Variants in AKAP8L observed in about 807,000 individuals in gnomAD.
The protein encoded by AKAP8L is A-kinase anchor protein 8-like.
Under a neutral mutation model 77.5 loss-of-function variants are expected in AKAP8L, and 34 were observed. The observed-to-expected ratio is 0.44, with a 90% CI of 0.33 to 0.58. The LOEUF is 0.58. Among genes scored for constraint, AKAP8L ranks in the 20% least tolerant of loss-of-function variants. The pLI is 0.02. For synonymous variants in AKAP8L, 342 were observed against 340.7 expected, an observed-to-expected ratio of 1.00 and a Z score of -0.04; for missense variants, 806 against 887.6, an observed-to-expected ratio of 0.91 and a Z score of 1.17.
Position 15,398,582 on chromosome 19 carries a change from G to GGGGC in AKAP8L, c.1157+716_1157+719dup. 1.1e-5 allele frequency: 11 copies of GGGGC among 986,998 alleles called. No homozygotes were observed. The highest frequency in any genetic ancestry group is 1.3e-5 in the Non-Finnish European group (11 of 830,950). 61.1% of individuals were successfully genotyped at this position (986,998 alleles called of 1,614,324 possible). On this transcript the variant is annotated intron_variant, in intron 9 of 13. Transcript: ENST00000397410. This position sits in a 1 kb window ranked among gnomAD's most constrained non-coding sequence, Gnocchi z 9.2. ...GGGCCGGAGCAGGCCGCCGTGGCAAGGGGCGGAGGAGGCCAGCCGCCACCG... is the reference window on the plus strand; with the variant it reads ...GGGCCGGAGCAGGCCGCCGTGGCAAGGGGCGGGCGGAGGAGGCCAGCCGCCACCG...
intron 12 of AKAP8L, among the ~76,000 whole-genome samples, chr19:15,390,367 C>A (rs1274547412): frequency 6.8e-6 from 1 of 148,116 alleles, no homozygotes; most frequent in East Asian, 2.0e-4. Flanking sequence ...TGCAGTGAGC[C>A]GAGATCACAC....
intron 12 of AKAP8L, among the ~76,000 whole-genome samples, chr19:15,393,587 A>G (rs190480617): frequency 6.6e-6 from 1 of 152,252 alleles, no homozygotes; most frequent in East Asian, 1.9e-4. Flanking sequence ...CAAAACCACA[A>G]TGAGATACTA....
At chr19:15,384,672 T>A (rs1237001220) in intron 12 of AKAP8L, among the ~76,000 whole-genome samples, 2 of 152,220 alleles carry the variant, frequency 1.3e-5, no homozygotes, top group African/African-American at 4.8e-5. Context: ...AGTAGTTTTT[T>A]TTCCATTTAA....
intron 2 of AKAP8L, among the ~76,000 whole-genome samples, chr19:15,409,548 T>G (rs2067242194): frequency 6.6e-6 from 1 of 152,184 alleles, no homozygotes; most frequent in Admixed American, 6.6e-5. Context: ...TTTCCCCAGA[T>G]CTTGGTAGTA....
chr19:15,410,870 T>G (rs1441659350), intron 1 of AKAP8L, among the ~76,000 whole-genome samples: 3 of 152,228 alleles, frequency 2.0e-5, no homozygotes, highest in Non-Finnish European at 2.9e-5. Context: ...TGCAACGCAG[T>G]GGCATGATCA....
At chr19:15,414,959 C>T (rs1968177408) in intron 1 of AKAP8L, among the ~76,000 whole-genome samples, 1 of 152,176 alleles carries the variant, frequency 6.6e-6, no homozygotes, top group Non-Finnish European at 1.5e-5. Context: ...CCACCAGGCC[C>T]AGCTAATTTT....
chr19:15,410,561 G>A lies in AKAP8L; in HGVS notation c.47C>T (p.Ser16Leu), dbSNP rs764391390. 112 of 1,593,902 alleles carry A rather than the reference G, an allele frequency of 7.0e-5. No individual in the cohort carries two copies. The highest frequency in any genetic ancestry group is 1.1e-4 in the East Asian group (5 of 44,304). ...CTGAGCGCTGGTATCCGAGTATGTC[G>A]ACTGCAAAGTGGTTTCAGATCCCTG... ...FVQGSETTLQ[S>L]TYSDTSAQPT... Residue 16 changes from serine to leucine, a missense_variant, in exon 2 of 14, where the codon TCG (serine) becomes TTG (leucine). Ser to Leu is a moderately radical substitution (Grantham distance 145, BLOSUM62 -2). Coordinates refer to ENST00000397410, the MANE Select transcript of AKAP8L (RefSeq NM_014371.4).
At chr19:15,407,949 GAACA>G (rs1430339853) in intron 2 of AKAP8L, among the ~76,000 whole-genome samples, 1 of 152,174 alleles carries the variant, frequency 6.6e-6, no homozygotes, top group Admixed American at 6.5e-5. Context: ...TTGGAAAAAA[GAACA>G]AACCTGGAGG....
rs376892363 is a variant in AKAP8L, at chr19:15,383,215, T to A, written c.1537-2603A>T. The A allele has an allele frequency of 2.5e-4, 38 of 152,350 alleles. No individual in the cohort carries two copies. The East Asian group carries it at 2.7e-3, about 11-fold the overall frequency. 9.4% of individuals were successfully genotyped at this position (152,350 alleles called of 1,614,324 possible). On this transcript the variant is annotated intron_variant, in intron 12 of 13. Transcript: ENST00000397410. ...GCTAATACCATATTGTCTTTCTTTT[T>A]ATTTTATTTTAGAGATAGGAGTCTC...
At position 15,401,799 on chromosome 19, in the gene AKAP8L, T is replaced by C. The variant is rs1245175146; in HGVS notation, c.363-196A>G. Among the ~76,000 whole-genome samples the C allele has an allele frequency of 1.3e-5, 2 of 152,226 alleles. No homozygotes were observed. The highest frequency in any genetic ancestry group is 6.5e-5 in the Admixed American group (1 of 15,288). ...GGCACCACTGCCCCAAACTTGAATGTAGCCACACACTGGCTTGGGGACCCT... is the reference window on the plus strand; with the variant it reads ...GGCACCACTGCCCCAAACTTGAATGCAGCCACACACTGGCTTGGGGACCCT... On this transcript the variant is annotated intron_variant, in intron 4 of 13. Transcript: ENST00000397410. The surrounding 1 kb of genome is among the most constrained non-coding windows in gnomAD (Gnocchi z 6.2).
Position 15,398,195 on chromosome 19 carries a change from C to T in AKAP8L, c.1158-340G>A, listed in dbSNP as rs1967817889. 8.7e-6 allele frequency: 3 copies of T among 345,694 alleles called. No individual in the cohort carries two copies. In the Admixed American group the frequency reaches 1.2e-4, roughly 14 times the overall value. 21.4% of individuals were successfully genotyped at this position (345,694 alleles called of 1,614,324 possible). ...CCAAGGCTGGGCAGGAGCGTGTGCA[C>T]TTGGCCCAGGTGGGGACCGGAAGGA... On this transcript the variant is annotated intron_variant, in intron 9 of 13. Coordinates refer to ENST00000397410, the MANE Select transcript of AKAP8L (RefSeq NM_014371.4). This position sits in a 1 kb window ranked among gnomAD's most constrained non-coding sequence, Gnocchi z 9.2.
Position 15,401,708 on chromosome 19 carries a change from C to G in AKAP8L, c.363-105G>C. On this transcript the variant is annotated intron_variant, in intron 4 of 13. Coordinates refer to ENST00000397410, the MANE Select transcript of AKAP8L (RefSeq NM_014371.4). This position sits in a 1 kb window ranked among gnomAD's most constrained non-coding sequence, Gnocchi z 6.2. ...TCTCCCAGTCCAGCACCCACCCTGC[C>G]CTGGTTGGGAGGCTCAATGTTCAGA... The G allele has an allele frequency of 1.1e-6, 1 of 912,864 alleles. No individual in the cohort carries two copies. The highest frequency in any genetic ancestry group is 1.6e-6 in the Non-Finnish European group (1 of 619,112). The allele number at this position is 912,864 out of a possible 1,614,324, so 56.5% of individuals were successfully genotyped here. A position where few individuals can be genotyped will look rare whatever the true frequency, so the allele number is the denominator to read the frequency against.
intron 12 of AKAP8L, among the ~76,000 whole-genome samples, chr19:15,381,711 T>C (rs1184180054): frequency 1.3e-5 from 2 of 152,134 alleles, no homozygotes; most frequent in Non-Finnish European, 2.9e-5. Flanking sequence ...GATACACAAT[T>C]AGGATACTAC....
chr19:15,392,480 G>C (rs1967682832), intron 12 of AKAP8L, among the ~76,000 whole-genome samples: 1 of 151,484 alleles, frequency 6.6e-6, no homozygotes, highest in African/African-American at 2.4e-5. Flanking sequence ...CTAGGCAACA[G>C]AGTGAGACCC....
chr19:15,393,959 T>G (rs1214383290), intron 12 of AKAP8L, among the ~76,000 whole-genome samples: 2 of 146,260 alleles, frequency 1.4e-5, no homozygotes, highest in East Asian at 4.0e-4. Flanking sequence ...TGTGAAGAAA[T>G]CAGGACCCTT....
chr19:15,381,255 T>A (rs1967409330), intron 12 of AKAP8L: 1 of 152,876 alleles, frequency 6.5e-6, no homozygotes, highest in African/African-American at 2.4e-5. Context: ...CTGATTGTAG[T>A]GGTGAAAAAT....
chr19:15,399,548 G>T lies in AKAP8L; in HGVS notation c.1049-138C>A. On this transcript the variant is annotated intron_variant, in intron 8 of 13. Coordinates refer to ENST00000397410, the MANE Select transcript of AKAP8L (RefSeq NM_014371.4). This position sits in a 1 kb window ranked among gnomAD's most constrained non-coding sequence, Gnocchi z 6.1. ...CTGTCCAAGCAAGGCCTCTGGCCATGAGCAGGGCTGGGTATCCTGGGCTGT... is the reference window on the plus strand; with the variant it reads ...CTGTCCAAGCAAGGCCTCTGGCCATTAGCAGGGCTGGGTATCCTGGGCTGT... 2 of 698,518 alleles carry T rather than the reference G, an allele frequency of 2.9e-6. No individual in the cohort carries two copies. Among genetic ancestry groups the T allele is most frequent in the East Asian group, 5.4e-5 (2 of 37,196 alleles). 43.3% of individuals were successfully genotyped at this position (698,518 alleles called of 1,614,324 possible).
intron 12 of AKAP8L, among the ~76,000 whole-genome samples, chr19:15,391,371 TGGCG>T (rs1967654906): frequency 8.0e-6 from 1 of 125,124 alleles, no homozygotes; most frequent in African/African-American, 3.1e-5. Context: ...GGCAGGAGAA[TGGCG>T]TGAACCTGGG....
chr19:15,404,173 A>T, intron 2 of AKAP8L, 131 bp from the exon 3 acceptor site: 1 of 883,634 alleles, frequency 1.1e-6, no homozygotes, highest in Non-Finnish European at 1.8e-6. Flanking sequence ...AGAAGCCTTG[A>T]GCTCGCGAGC....
Sources: allele counts gnomAD v4.1 joint callset (sites outside exome capture counted in the v4.1 genomes callset), GRCh38; gene constraint gnomAD v4.1.1; non-coding constraint Gnocchi (gnomAD v3.1); transcripts MANE v1.5; gene names NCBI Gene and HGNC (gene_info 2026-07-23, HGNC 2026-07-21).